The following PGM5 variants were observed in gnomAD, a reference collection of about 807,000 sequenced individuals.
PGM5 encodes the protein phosphoglucomutase-like protein 5.
A neutral mutation model predicts 59.2 loss-of-function variants in PGM5; 23 were observed. That is an observed-to-expected ratio of 0.39 (90% CI 0.28 to 0.55). PGM5 has a LOEUF of 0.55. PGM5 is among the 20% of genes least tolerant of loss of function. The probability of loss-of-function intolerance (pLI) is 0.66; values close to 1 mark genes in which losing one functional copy is unlikely to be tolerated. For missense variants in PGM5, 574 were observed against 748.3 expected (o/e 0.77, Z 2.72); for synonymous variants, 214 against 286.0 (o/e 0.75, Z 2.54).
chr9:68,363,658 C>T (rs1554676450), intron 1 of PGM5, among the ~76,000 whole-genome samples: 1 of 152,300 alleles, frequency 6.6e-6, no homozygotes, highest in East Asian at 1.9e-4. Context: ...AGCTGGAAGA[C>T]TCACCTTCTT....
At chr9:68,375,999 AG>A (rs1415512276) in intron 1 of PGM5, among the ~76,000 whole-genome samples, 1 of 152,246 alleles carries the variant, frequency 6.6e-6, no homozygotes, top group Non-Finnish European at 1.5e-5. Flanking sequence ...CAGAAGAAGG[AG>A]GGCGGGAGGG....
intron 6 of PGM5, among the ~76,000 whole-genome samples, chr9:68,410,857 T>G (rs541790517): frequency 6.6e-6 from 1 of 152,194 alleles, no homozygotes; most frequent in Non-Finnish European, 1.5e-5. Flanking sequence ...CATCTCGTAT[T>G]AAAATGTCTA....
intron 6 of PGM5, chr9:68,398,061 T>C (rs1376585783): frequency 6.6e-6 from 1 of 152,210 alleles, no homozygotes; most frequent in East Asian, 1.9e-4. Flanking sequence ...GTCCTTTAGA[T>C]CTGTGCTGTT....
At chr9:68,376,475 C>CTGTGTG (rs71353047) in intron 1 of PGM5, among the ~76,000 whole-genome samples, 1,461 of 129,620 alleles carry the variant, frequency 0.011, 14 homozygotes, top group Middle Eastern at 0.016. Context: ...TGCTTTTGAG[C>CTGTGTG]TGTGTGTGTG....
intron 10 of PGM5, among the ~76,000 whole-genome samples, chr9:68,510,485 G>A (rs1300960703): frequency 6.6e-6 from 1 of 152,026 alleles, no homozygotes; most frequent in Non-Finnish European, 1.5e-5. Flanking sequence ...TCCTAGTTCT[G>A]CCATTTTCCA....
chr9:68,455,576 A>C (rs1823761846), intron 6 of PGM5, among the ~76,000 whole-genome samples: 1 of 151,990 alleles, frequency 6.6e-6, no homozygotes. Flanking sequence ...AATCTTGGGA[A>C]ATGTCCAGGC....
At chr9:68,438,425 A>G (rs1241769164) in intron 6 of PGM5, among the ~76,000 whole-genome samples, 1 of 151,756 alleles carries the variant, frequency 6.6e-6, no homozygotes, top group Non-Finnish European at 1.5e-5. Context: ...CCAAAAATCT[A>G]CCTTTTATCT....
Position 68,499,340 on chromosome 9 carries a change from C to A in PGM5, c.1593C>A (p.Ser531Arg), listed in dbSNP as rs782380851. 3 of 1,613,944 alleles carry A rather than the reference C, an allele frequency of 1.9e-6. No individual in the cohort carries two copies. The highest frequency in any genetic ancestry group is 1.7e-6 in the Non-Finnish European group (2 of 1,180,000). The stretch of plus-strand genomic sequence containing the variant: ...CAGAGAGCTACGAGAGGGATCCCAG[C>A]GGCCATGACCAGGAGCCACAGGTAC... ...LYAESYERDP[S>R]GHDQEPQAVL... The change falls in exon 10 of 11, where the codon AGC becomes AGA. Residue 531 changes from serine to arginine, a missense_variant. Around this residue, in one of 7 missense-constraint regions of PGM5, gnomAD observed 300 missense variants for 280.0 expected, o/e 1.07. Transcript: ENST00000396396.
chr9:68,524,349 C>A (rs1222900827), intron 10 of PGM5, among the ~76,000 whole-genome samples: 1 of 152,114 alleles, frequency 6.6e-6, no homozygotes, highest in Non-Finnish European at 1.5e-5. Flanking sequence ...CAGCAAACAT[C>A]CAGAAAACCC....
intron 7 of PGM5, among the ~76,000 whole-genome samples, chr9:68,472,150 G>C (rs1278820727): frequency 1.3e-5 from 2 of 152,174 alleles, no homozygotes; most frequent in East Asian, 3.9e-4. Flanking sequence ...CTTTATTTTA[G>C]AGTCTTCTTC....
In PGM5 at chr9:68,387,598, T is replaced by A. The variant is rs782430382; in HGVS notation, c.697+10T>A. The stretch of plus-strand genomic sequence containing the variant: ...GACGCAATGCACGGAGGTAAGCTTG[T>A]GATTTTCTCCAAATCAGTGGGCAGG... On this transcript the variant is annotated intron_variant, in intron 4 of 10. Coordinates refer to ENST00000396396, the MANE Select transcript of PGM5 (RefSeq NM_021965.4). The A allele has an allele frequency of 6.2e-7, 1 of 1,611,354 alleles. No homozygotes were observed. Among genetic ancestry groups the A allele is most frequent in the South Asian group, 1.1e-5 (1 of 91,008 alleles).
At chr9:68,449,423 G>A (rs1823662117) in intron 6 of PGM5, among the ~76,000 whole-genome samples, 1 of 152,148 alleles carries the variant, frequency 6.6e-6, no homozygotes, top group African/African-American at 2.4e-5. Flanking sequence ...GGAGTCCCTG[G>A]AAAGTAAAAT....
intron 10 of PGM5, among the ~76,000 whole-genome samples, chr9:68,529,123 T>C (rs1825037440): frequency 6.6e-6 from 1 of 151,150 alleles, no homozygotes; most frequent in African/African-American, 2.4e-5. Flanking sequence ...TGTGGGTTCT[T>C]TAAATCCATG....
At chr9:68,393,596 T>C (rs1822420931) in intron 6 of PGM5, among the ~76,000 whole-genome samples, 1 of 152,102 alleles carries the variant, frequency 6.6e-6, no homozygotes, top group Non-Finnish European at 1.5e-5. Flanking sequence ...AAATTTTCTT[T>C]AATCAACCAG....
intron 4 of PGM5, among the ~76,000 whole-genome samples, chr9:68,390,774 G>A (rs539012509): frequency 2.2e-4 from 34 of 151,722 alleles, no homozygotes; most frequent in East Asian, 3.9e-4. Flanking sequence ...ATATTATTCC[G>A]TCAAGTTCCA....
chr9:68,373,434 C>A (rs1292416954), intron 1 of PGM5, among the ~76,000 whole-genome samples: 3 of 152,150 alleles, frequency 2.0e-5, no homozygotes, highest in Admixed American at 6.5e-5. Context: ...TAATTACTCA[C>A]TTTAACCTTC....
chr9:68,422,857 C>T (rs192973666), intron 6 of PGM5, among the ~76,000 whole-genome samples: 1 of 152,252 alleles, frequency 6.6e-6, no homozygotes, highest in African/African-American at 2.4e-5. Context: ...TATTTGTAGT[C>T]TTCTGTCTCT....
chr9:68,363,329 A>T (rs1834617518), intron 1 of PGM5, among the ~76,000 whole-genome samples: 1 of 152,312 alleles, frequency 6.6e-6, no homozygotes, highest in South Asian at 2.1e-4. Flanking sequence ...GGCTAGAGCA[A>T]CTGAAGAACT....
chr9:68,371,576 G>A (rs1821733297), intron 1 of PGM5: 1 of 152,204 alleles, frequency 6.6e-6, no homozygotes, highest in African/African-American at 2.4e-5. Flanking sequence ...GATCTTCGGT[G>A]GATTTTAACA....
Sources: gnomAD v4.1 joint callset for allele counts (sites outside exome capture counted in the v4.1 genomes callset) on GRCh38, gnomAD v4.1.1 for gene constraint, gnomAD v4.1.1 regional missense constraint, MANE v1.5 for transcripts, NCBI Gene and HGNC (gene_info 2026-07-23, HGNC 2026-07-21) for gene names.